Variants in DAB1 observed in about 807,000 individuals in gnomAD.
The protein encoded by DAB1 is DAB adaptor protein 1.
Under a neutral mutation model 64.6 loss-of-function variants are expected in DAB1, and 15 were observed. That is an observed-to-expected ratio of 0.23 (90% CI 0.16 to 0.36). The LOEUF (loss-of-function observed/expected upper bound fraction) is 0.36, where lower values mean the gene tolerates loss of function less well. Ranked by LOEUF, DAB1 falls within the 10% of genes least tolerant of loss-of-function variation. The pLI is 1.00. For missense variants in DAB1, 596 were observed against 706.7 expected, an observed-to-expected ratio of 0.84 and a Z score of 1.78; for synonymous variants, 235 against 251.9, an observed-to-expected ratio of 0.93 and a Z score of 0.64.
Position 58,540,573 on chromosome 1 carries a change from C to A in DAB1, n.32+6130G>T, listed in dbSNP as rs1646590693. 5.4e-5 allele frequency among the ~76,000 whole-genome samples: 8 copies of A among 149,292 alleles called. No homozygotes were observed. In the South Asian group the frequency reaches 1.7e-3, roughly 32 times the overall value. On this transcript the variant is annotated intron_variant and non_coding_transcript_variant, in intron 1 of 20. Transcript: ENST00000485760. ...TCTTTAAAAGACCTAAACTTTTAGA[C>A]AAGAAAACTGTAAGAACTAAGATGA...
chr1:58,108,662 T>TGCTTTGGA (rs1651803544), intron 5 of DAB1, among the ~76,000 whole-genome samples: 1 of 152,216 alleles, frequency 6.6e-6, no homozygotes, highest in South Asian at 2.1e-4. Flanking sequence ...TTATTGCCAC[T>TGCTTTGGA]GCTATGAGCT....
intron 3 of DAB1, among the ~76,000 whole-genome samples, chr1:58,461,815 T>C (rs1433916040): frequency 6.6e-6 from 1 of 152,224 alleles, no homozygotes; most frequent in African/African-American, 2.4e-5. Flanking sequence ...ATTTTCACCC[T>C]GTCTCAGAAC....
chr1:57,255,095 G>A (rs188834083), intron 2 of DAB1, among the ~76,000 whole-genome samples: 5 of 152,236 alleles, frequency 3.3e-5, no homozygotes, highest in African/African-American at 9.6e-5. Flanking sequence ...ATGGATAAAT[G>A]AAATAACTAG....
chr1:57,671,670 C>G (rs775178914), intron 6 of DAB1, among the ~76,000 whole-genome samples: 3 of 151,998 alleles, frequency 2.0e-5, no homozygotes, highest in African/African-American at 7.2e-5. Flanking sequence ...CTCATGCTCC[C>G]TCCTTTGCCT....
intron 6 of DAB1, among the ~76,000 whole-genome samples, chr1:57,771,074 C>T (rs1277369164): frequency 6.6e-6 from 1 of 152,128 alleles, no homozygotes; most frequent in East Asian, 1.9e-4. Context: ...GTAAGCTCCA[C>T]GAGGGCAGAG....
In DAB1 at chr1:58,155,651, T is replaced by C. The variant is rs190720961; in HGVS notation, n.310-5063A>G. Among the ~76,000 whole-genome samples, 568 of 152,292 alleles carry C rather than the reference T, an allele frequency of 3.7e-3. 4 individuals carry two copies. The highest frequency in any genetic ancestry group is 3.1e-3 in the Non-Finnish European group (208 of 68,032). Reference sequence around the variant, plus strand: ...TTGTAGCTAAGTGCCAATAACTTAGTAACCGGCACAAACATTGCAGGTCCG... The same window carrying C: ...TTGTAGCTAAGTGCCAATAACTTAGCAACCGGCACAAACATTGCAGGTCCG... On this transcript the variant is annotated intron_variant and non_coding_transcript_variant, in intron 4 of 20. Coordinates refer to the DAB1 transcript ENST00000485760.
intron 7 of DAB1, among the ~76,000 whole-genome samples, chr1:57,574,902 T>C (rs1444487985): frequency 6.6e-6 from 1 of 152,232 alleles, no homozygotes; most frequent in Non-Finnish European, 1.5e-5. Flanking sequence ...GGGCAGGGCC[T>C]GCCTTTCTTT....
chr1:58,120,662 T>C (rs541662803), intron 5 of DAB1, among the ~76,000 whole-genome samples: 18 of 152,278 alleles, frequency 1.2e-4, no homozygotes, highest in Non-Finnish European at 1.6e-4. Flanking sequence ...GCATTTTCCT[T>C]CCAACTTTAG....
At chr1:57,733,481 A>C (rs949333632) in intron 6 of DAB1, among the ~76,000 whole-genome samples, 2 of 152,068 alleles carry the variant, frequency 1.3e-5, no homozygotes, top group Non-Finnish European at 2.9e-5. Context: ...TTAATATGTA[A>C]GAAGACTTAT....
Position 57,925,690 on chromosome 1 carries a change from C to T in DAB1, n.388-41528G>A, listed in dbSNP as rs149122426. On this transcript the variant is annotated intron_variant and non_coding_transcript_variant, in intron 5 of 20. Coordinates refer to the DAB1 transcript ENST00000485760. ...AGAGGAGTAAACTGAGGCCCAAAGA[C>T]GGAAAATGACTCACCCAAGGACAAT... Among the ~76,000 whole-genome samples, 127 of 152,250 alleles carry T rather than the reference C, an allele frequency of 8.3e-4. 2 individuals carry two copies. Among genetic ancestry groups the T allele is most frequent in the African/African-American group, 2.6e-3 (108 of 41,540 alleles).
intron 6 of DAB1, among the ~76,000 whole-genome samples, chr1:57,783,648 T>G (rs1345430975): frequency 2.0e-5 from 3 of 152,184 alleles, no homozygotes; most frequent in Non-Finnish European, 4.4e-5. Context: ...GTTGAGCAAT[T>G]CTATCAGTGC....
chr1:58,083,791 T>G (rs1650141755), intron 5 of DAB1, among the ~76,000 whole-genome samples: 1 of 152,116 alleles, frequency 6.6e-6, no homozygotes, highest in Admixed American at 6.5e-5. Flanking sequence ...ATTACGCTGA[T>G]GAAAAAATTA....
chr1:58,020,020 T>A (rs1388721886), intron 5 of DAB1, among the ~76,000 whole-genome samples: 1 of 152,208 alleles, frequency 6.6e-6, no homozygotes, highest in African/African-American at 2.4e-5. Flanking sequence ...AAGAATAACA[T>A]CTCTCTGAAA....
intron 4 of DAB1, among the ~76,000 whole-genome samples, chr1:58,300,132 G>C (rs1662087153): frequency 6.6e-6 from 1 of 152,144 alleles, no homozygotes; most frequent in African/African-American, 2.4e-5. Flanking sequence ...TAGAAAACTG[G>C]GTAGTGGTGG....
chr1:57,424,364 C>G (rs1359893310), upstream of DAB1, among the ~76,000 whole-genome samples: 1 of 151,706 alleles, frequency 6.6e-6, no homozygotes. Context: ...CGAGCGGGGG[C>G]GCCGCGGCTT....
At chr1:58,107,092 A>C (rs1029792443) in intron 5 of DAB1, among the ~76,000 whole-genome samples, 25 of 151,970 alleles carry the variant, frequency 1.6e-4, no homozygotes, top group Middle Eastern at 6.8e-3. Context: ...GTAAAAAAAA[A>C]CCCAGAAAAA....
intron 2 of DAB1, among the ~76,000 whole-genome samples, chr1:57,247,510 C>A (rs1292174751): frequency 6.6e-6 from 1 of 152,106 alleles, no homozygotes; most frequent in Non-Finnish European, 1.5e-5. Flanking sequence ...TCATTTAGTT[C>A]TTTATAGCAG....
At chr1:58,036,630 G>A (rs1165052479) in intron 5 of DAB1, among the ~76,000 whole-genome samples, 1 of 151,992 alleles carries the variant, frequency 6.6e-6, no homozygotes, top group Non-Finnish European at 1.5e-5. Flanking sequence ...TTTTTTTCGA[G>A]AGTCTGTGGT....
chr1:58,538,342 C>T (rs1646550330), intron 1 of DAB1, among the ~76,000 whole-genome samples: 2 of 152,086 alleles, frequency 1.3e-5, no homozygotes, highest in Admixed American at 6.5e-5. Flanking sequence ...AGTGAGCCCA[C>T]CCTTATATAA....
Sources: gnomAD v4.1 joint callset for allele counts (sites outside exome capture counted in the v4.1 genomes callset) on GRCh38, gnomAD v4.1.1 for gene constraint, MANE v1.5 for transcripts, NCBI Gene and HGNC (gene_info 2026-07-23, HGNC 2026-07-21) for gene names.